KSR1: variants seen among roughly 807,000 people sequenced by gnomAD.
The protein encoded by KSR1 is kinase suppressor of ras 1.
KSR1 carries 35 observed loss-of-function variants against 92.9 expected under a neutral mutation model. That is an observed-to-expected ratio of 0.38 (90% CI 0.29 to 0.50). The LOEUF (loss-of-function observed/expected upper bound fraction) is 0.50, where lower values mean the gene tolerates loss of function less well. KSR1 is among the 20% of genes least tolerant of loss of function. The pLI is 0.94. For missense variants in KSR1, 972 were observed against 1,158.5 expected, an observed-to-expected ratio of 0.84 and a Z score of 2.34; for synonymous variants, 467 against 472.6, an observed-to-expected ratio of 0.99 and a Z score of 0.15.
At chr17:27,525,919 AT>A (rs1476256375) in intron 1 of KSR1, among the ~76,000 whole-genome samples, 1 of 152,180 alleles carries the variant, frequency 6.6e-6, no homozygotes, top group Non-Finnish European at 1.5e-5. Flanking sequence ...GCCCTTTCCA[AT>A]TTGGAACAGT....
intron 18 of KSR1, among the ~76,000 whole-genome samples, chr17:27,614,463 G>A (rs2074003481): frequency 6.6e-6 from 1 of 152,186 alleles, no homozygotes; most frequent in East Asian, 1.9e-4. Flanking sequence ...AGCAGAGAAT[G>A]GTAAGTGCCA....
chr17:27,531,427 G>A (rs1035797866), intron 1 of KSR1, among the ~76,000 whole-genome samples: 2 of 152,222 alleles, frequency 1.3e-5, no homozygotes, highest in African/African-American at 4.8e-5. Flanking sequence ...GTAAGCTGAG[G>A]GGGTGGCCCT....
chr17:27,527,433 T>TG (rs1434106065), intron 1 of KSR1, among the ~76,000 whole-genome samples: 1 of 130,970 alleles, frequency 7.6e-6, no homozygotes, highest in Non-Finnish European at 1.6e-5. Flanking sequence ...GACAAAGTCT[T>TG]GCTCTGTCAC....
chr17:27,470,752 T>TTCC (rs1192308249), intron 1 of KSR1, among the ~76,000 whole-genome samples: 2 of 152,204 alleles, frequency 1.3e-5, no homozygotes, highest in Non-Finnish European at 2.9e-5. Context: ...TTTTTTACAA[T>TTCC]TCTTTCTGAC....
chr17:27,581,758 T>A (rs765999926), intron 3 of KSR1, among the ~76,000 whole-genome samples: 1 of 152,154 alleles, frequency 6.6e-6, no homozygotes, highest in South Asian at 2.1e-4. Context: ...ATGGGTCTTT[T>A]TAGGCCTTTC....
At chr17:27,595,059 A>G (rs1293587149) in intron 9 of KSR1, among the ~76,000 whole-genome samples, 1 of 152,192 alleles carries the variant, frequency 6.6e-6, no homozygotes. Context: ...GATGTCAACT[A>G]TCCCTGGCCA....
intron 1 of KSR1, among the ~76,000 whole-genome samples, chr17:27,502,202 A>G (rs1788792179): frequency 6.6e-6 from 1 of 152,218 alleles, no homozygotes. Flanking sequence ...TTCTGGAGCC[A>G]GTTGTCATAA....
chr17:27,599,063 C>G (rs934614644), intron 10 of KSR1, among the ~76,000 whole-genome samples: 4 of 152,228 alleles, frequency 2.6e-5, no homozygotes, highest in Non-Finnish European at 5.9e-5. Flanking sequence ...ACGTGAGCAT[C>G]ATAGAGCGCA....
intron 1 of KSR1, among the ~76,000 whole-genome samples, chr17:27,479,390 A>G (rs1034502982): frequency 1.2e-4 from 18 of 152,144 alleles, no homozygotes; most frequent in African/African-American, 4.1e-4. Context: ...ACCCACATCA[A>G]TAAGGCGAGA....
chr17:27,512,115 A>G (rs2069622814), intron 1 of KSR1, among the ~76,000 whole-genome samples: 1 of 152,126 alleles, frequency 6.6e-6, no homozygotes, highest in Non-Finnish European at 1.5e-5. Context: ...CTTTGTTTTG[A>G]TGACCCCAGC....
intron 1 of KSR1, among the ~76,000 whole-genome samples, chr17:27,474,540 C>T (rs567655027): frequency 3.4e-4 from 52 of 152,298 alleles, no homozygotes; most frequent in African/African-American, 1.2e-3. Context: ...CAATAGTTTC[C>T]TCATCTGTGA....
At position 27,529,784 on chromosome 17, in the gene KSR1, C is replaced by T. The variant is rs114882660; in HGVS notation, c.232-20784C>T. ...CTCATCTTTTCCATGAACTCTTTCC[C>T]GACACCCGTCTTTTCTCTGAAGCTG... On this transcript the variant is annotated intron_variant, in intron 1 of 20. Transcript: ENST00000644974. Among the ~76,000 whole-genome samples the T allele has an allele frequency of 4.1e-3, 619 of 152,294 alleles. 5 individuals are homozygous for T. Among genetic ancestry groups the T allele is most frequent in the African/African-American group, 0.014 (573 of 41,552 alleles).
intron 4 of KSR1, among the ~76,000 whole-genome samples, chr17:27,584,755 C>T (rs116410377): frequency 3.2e-4 from 49 of 152,282 alleles, no homozygotes; most frequent in African/African-American, 1.1e-3. Context: ...CAGGCCACCT[C>T]GCTGTTCTGG....
At chr17:27,600,987 G>A (rs956565219) in intron 10 of KSR1, among the ~76,000 whole-genome samples, 1 of 152,228 alleles carries the variant, frequency 6.6e-6, no homozygotes, top group African/African-American at 2.4e-5. Flanking sequence ...GTGGGGCTCA[G>A]GGGGAGGAGG....
At chr17:27,508,505 C>G (rs1231218614) in intron 1 of KSR1, among the ~76,000 whole-genome samples, 7 of 152,116 alleles carry the variant, frequency 4.6e-5, no homozygotes, top group Admixed American at 4.6e-4. Context: ...TGAAGCCCCT[C>G]TCTGACTCAA....
In KSR1 at chr17:27,602,469, C is replaced by T. The variant is rs372473474; in HGVS notation, c.1510+1068C>T. On this transcript the variant is annotated intron_variant, in intron 11 of 20. Coordinates refer to ENST00000644974, the MANE Select transcript of KSR1 (RefSeq NM_001394583.1). ...GGTCCATTTTCCCCCGAAGATATGT[C>T]ACAGGGAGGGCAAGGAAATACATTT... Among the ~76,000 whole-genome samples, 4 of 152,194 alleles carry T rather than the reference C, an allele frequency of 2.6e-5. No individual in the cohort carries two copies. The East Asian group carries it at 7.7e-4, about 29-fold the overall frequency.
At chr17:27,457,297 C>T (rs1266316597) in intron 1 of KSR1, among the ~76,000 whole-genome samples, 1 of 152,164 alleles carries the variant, frequency 6.6e-6, no homozygotes, top group East Asian at 1.9e-4. Flanking sequence ...GATCGCAGGC[C>T]TGCCGTCCCC....
At chr17:27,563,500 C>T (rs976269036) in intron 2 of KSR1, among the ~76,000 whole-genome samples, 1 of 152,192 alleles carries the variant, frequency 6.6e-6, no homozygotes, top group Non-Finnish European at 1.5e-5. Flanking sequence ...TCAAGTGATC[C>T]TCCCACTTGG....
At chr17:27,606,108 T>C (rs2073743790) in intron 14 of KSR1, among the ~76,000 whole-genome samples, 1 of 152,114 alleles carries the variant, frequency 6.6e-6, no homozygotes, top group African/African-American at 2.4e-5. Context: ...ACTGAGACGC[T>C]GTCTCTACAA....
Sources: gnomAD v4.1 joint callset for allele counts (sites outside exome capture counted in the v4.1 genomes callset) on GRCh38, gnomAD v4.1.1 for gene constraint, MANE v1.5 for transcripts, NCBI Gene and HGNC (gene_info 2026-07-23, HGNC 2026-07-21) for gene names.